The following ADAM32 variants were observed in gnomAD, a reference collection of about 807,000 sequenced individuals.
ADAM32 encodes the protein disintegrin and metalloproteinase domain-containing protein 32.
ADAM32 carries 89 observed loss-of-function variants against 114.9 expected under a neutral mutation model. The ratio of observed to expected loss-of-function variants is 0.77; its 90% confidence interval spans 0.65 to 0.92. ADAM32 has a LOEUF of 0.92. Among genes scored for constraint, ADAM32 ranks in the 40% least tolerant of loss-of-function variants. The pLI, the probability that ADAM32 is intolerant of heterozygous loss-of-function variation, is 0.00. For synonymous variants in ADAM32, 285 were observed against 307.5 expected (o/e 0.93, Z 0.77); for missense variants, 870 against 932.8 (o/e 0.93, Z 0.88).
chr8:39,233,795 C>A, intron 15 of ADAM32, 104 bp from the exon 16 acceptor site: 1 of 749,988 alleles, frequency 1.3e-6, no homozygotes, highest in South Asian at 4.7e-5. Flanking sequence ...AAGTACATTG[C>A]CATAAGTGGA....
At chr8:39,152,620 C>T (rs1490644905) in intron 6 of ADAM32, among the ~76,000 whole-genome samples, 1 of 150,434 alleles carries the variant, frequency 6.6e-6, no homozygotes, top group Non-Finnish European at 1.5e-5. Context: ...TACTCGGGAG[C>T]GGAGGCTGAA....
Position 39,136,725 on chromosome 8 carries a change from TTTTATTC to T in ADAM32, c.200+12_200+18del. Reference sequence around the variant, plus strand: ...CTGTGCACCTTAAACAAAGGTAAATTTTTATTCTTTAGTTTTGGATTTTATTTTATTT... The same window carrying T: ...CTGTGCACCTTAAACAAAGGTAAATTTTTAGTTTTGGATTTTATTTTATTT... On this transcript the variant is annotated splice_region_variant and intron_variant, in intron 3 of 24. Transcript: ENST00000379907. 6.8e-7 allele frequency: 1 copy of T among 1,471,092 alleles called. No homozygotes were observed. Among genetic ancestry groups the T allele is most frequent in the Non-Finnish European group, 9.2e-7 (1 of 1,092,738 alleles). 91.1% of individuals were successfully genotyped at this position (1,471,092 alleles called of 1,614,324 possible).
chr8:39,118,958 A>G (rs1482430855), intron 2 of ADAM32, among the ~76,000 whole-genome samples: 1 of 152,182 alleles, frequency 6.6e-6, no homozygotes, highest in Non-Finnish European at 1.5e-5. Flanking sequence ...GTCTATCTCT[A>G]TGTATTTGCC....
intron 11 of ADAM32, among the ~76,000 whole-genome samples, chr8:39,188,871 G>A (rs970501159): frequency 6.6e-6 from 1 of 152,026 alleles, no homozygotes; most frequent in East Asian, 1.9e-4. Context: ...AATAGCACAC[G>A]TGTAACTCTT....
At chr8:39,284,376 C>CAT (rs10685263) in intron 24 of ADAM32, among the ~76,000 whole-genome samples, 2 of 143,560 alleles carry the variant, frequency 1.4e-5, no homozygotes, top group African/African-American at 5.8e-5. Context: ...CACACACACA[C>CAT]GTACACACAC....
chr8:39,125,661 A>G (rs907033638), intron 2 of ADAM32, among the ~76,000 whole-genome samples: 1 of 152,138 alleles, frequency 6.6e-6, no homozygotes, highest in African/African-American at 2.4e-5. Flanking sequence ...TTTGCCCCAC[A>G]GAAGCTTTTT....
intron 21 of ADAM32, 70 bp downstream of exon 21, chr8:39,274,420 A>G (rs1341941673): frequency 6.6e-7 from 1 of 1,509,952 alleles, no homozygotes; most frequent in African/African-American, 1.4e-5. Context: ...TTCACAATTT[A>G]TTTCTAAATA....
Position 39,257,257 on chromosome 8 carries a change from T to C in ADAM32, c.2076T>C (p.Pro692=). 6.2e-7 allele frequency: 1 copy of C among 1,613,270 alleles called. No individual in the cohort carries two copies. Among genetic ancestry groups the C allele is most frequent in the Non-Finnish European group, 8.5e-7 (1 of 1,179,518 alleles). The part of the protein sequence containing the change: ...TWLLGFLIAL[P]ILIVTTAIVL... ...TTCTAGGTTTCCTCATTGCTCTTCC[T>C]ATTCTCATTGTAACAACCGCAATAG... The change falls in exon 19 of 25, where the codon CCT becomes CCC. Residue 692 remains proline, a synonymous_variant. Transcript: ENST00000379907.
chr8:39,129,125 CTT>C (rs71218309), intron 2 of ADAM32, among the ~76,000 whole-genome samples: 2,631 of 133,496 alleles, frequency 0.02, 67 homozygotes, highest in African/African-American at 0.063. Context: ...TTTTTTTTGT[CTT>C]TTTTTTTTTT....
intron 12 of ADAM32, among the ~76,000 whole-genome samples, chr8:39,215,637 A>G (rs1808505677): frequency 6.6e-6 from 1 of 151,970 alleles, no homozygotes; most frequent in African/African-American, 2.4e-5. Context: ...TAATCTCCTC[A>G]TTGACCCACT....
At chr8:39,236,715 C>T (rs1200050645) in intron 16 of ADAM32, among the ~76,000 whole-genome samples, 1 of 152,128 alleles carries the variant, frequency 6.6e-6, no homozygotes. Flanking sequence ...GGAAAATCCC[C>T]ATACTCTTTG....
chr8:39,200,961 C>G (rs1484304601), intron 11 of ADAM32, among the ~76,000 whole-genome samples: 2 of 152,154 alleles, frequency 1.3e-5, no homozygotes, highest in Admixed American at 6.5e-5. Flanking sequence ...TCTGAAGGCT[C>G]TGTTCTGTTC....
rs113063036 is a variant in ADAM32 at position 39,254,446 on chromosome 8, G to A, written c.1935G>A (p.Ser645=). Residue 645 remains serine, a synonymous_variant, in exon 18 of 25, where the codon TCG becomes TCA. Transcript: ENST00000379907. ...ATTCCAGAAACAAGTGCCATTGTTC[G>A]CCAGGCTATAAGCCTCCAAACTGCC... ...VCDSRNKCHC[S]PGYKPPNCQI... The A allele has an allele frequency of 2.0e-4, 315 of 1,600,544 alleles. 2 individuals are homozygous for A. The highest frequency in any genetic ancestry group is 1.8e-3 in the African/African-American group (135 of 74,546).
Position 39,211,344 on chromosome 8 carries a change from A to G in ADAM32, c.1233+20A>G. 1.4e-6 allele frequency: 2 copies of G among 1,438,614 alleles called. No homozygotes were observed. 89.1% of individuals were successfully genotyped at this position (1,438,614 alleles called of 1,614,324 possible). A position where few individuals can be genotyped will look rare whatever the true frequency, so the allele number is the denominator to read the frequency against. On this transcript the variant is annotated intron_variant, in intron 12 of 24. Coordinates refer to ENST00000379907, the MANE Select transcript of ADAM32 (RefSeq NM_145004.7). ...GAGGCTGTAAGTATGATAACTAGGA[A>G]AATTGATTAATAAATTTATTGTTTT... is the stretch of plus-strand genomic sequence containing the variant.
At chr8:39,160,761 A>G in intron 6 of ADAM32, 136 bp from the exon 7 acceptor site, 1 of 737,136 alleles carries the variant, frequency 1.4e-6, no homozygotes, top group Non-Finnish European at 2.1e-6. Flanking sequence ...AACTTTATTT[A>G]TTAATTTTAA....
chr8:39,261,276 C>A (rs894758160), intron 19 of ADAM32, among the ~76,000 whole-genome samples: 2 of 152,086 alleles, frequency 1.3e-5, no homozygotes, highest in African/African-American at 2.4e-5. Context: ...CTTCTGAGAT[C>A]AACTTTTTTT....
At chr8:39,107,706 G>C (rs1159563263), upstream of ADAM32, 1 of 1,547,462 alleles carries the variant, frequency 6.5e-7, no homozygotes. Flanking sequence ...CCCGGCGTCC[G>C]CGCGTCCCCG....
chr8:39,245,567 C>T (rs1810861715), intron 16 of ADAM32, among the ~76,000 whole-genome samples: 1 of 152,122 alleles, frequency 6.6e-6, no homozygotes, highest in African/African-American at 2.4e-5. Context: ...ACACCAGGGG[C>T]TTGTGCATGT....
At chr8:39,257,624 G>T (rs866123866) in intron 19 of ADAM32, among the ~76,000 whole-genome samples, 1 of 151,960 alleles carries the variant, frequency 6.6e-6, no homozygotes, top group African/African-American at 2.4e-5. Context: ...TTATCAAAGG[G>T]GATGATCTGT....
Sources: gnomAD v4.1 joint callset for allele counts (sites outside exome capture counted in the v4.1 genomes callset) on GRCh38, gnomAD v4.1.1 for gene constraint, MANE v1.5 for transcripts, NCBI Gene and HGNC (gene_info 2026-07-23, HGNC 2026-07-21) for gene names.